The following KCNH7 variants were observed in gnomAD, a reference collection of about 807,000 sequenced individuals.
KCNH7 encodes potassium voltage-gated channel subfamily H member 7.
In KCNH7, 49 loss-of-function variants were observed where a neutral mutation model predicts 120.8. The observed-to-expected ratio is 0.41, with a 90% CI of 0.32 to 0.51. The LOEUF is 0.51. Among genes scored for constraint, KCNH7 ranks in the 20% least tolerant of loss-of-function variants. The pLI is 0.38. For missense variants in KCNH7, 1,097 were observed against 1,446.6 expected (o/e 0.76, Z 3.92); for synonymous variants, 547 against 516.1 (o/e 1.06, Z -0.81).
intron 9 of KCNH7, among the ~76,000 whole-genome samples, chr2:162,418,333 T>C (rs1320269354): frequency 6.6e-6 from 1 of 152,114 alleles, no homozygotes; most frequent in Non-Finnish European, 1.5e-5. Context: ...AATTTTATTA[T>C]AGCTGTATGA....
chr2:162,711,021 A>C (rs906959705), intron 2 of KCNH7, among the ~76,000 whole-genome samples: 1 of 152,188 alleles, frequency 6.6e-6, no homozygotes, highest in Non-Finnish European at 1.5e-5. Flanking sequence ...TTAACCTATA[A>C]GATGTTTAAA....
At chr2:162,575,196 C>A (rs184029348) in intron 2 of KCNH7, among the ~76,000 whole-genome samples, 1 of 152,044 alleles carries the variant, frequency 6.6e-6, no homozygotes, top group African/African-American at 2.4e-5. Flanking sequence ...GTAAAGCCTT[C>A]TATTTGGGGA....
chr2:162,379,980 G>A lies in KCNH7; in HGVS notation c.3004C>T (p.Pro1002Ser). Reference sequence around the variant, plus strand: ...GATGGACTGGAGTCTTCAGGCTGGGGATGTGCATTTTCTCGTTCCCAGCTT... The same window carrying A: ...GATGGACTGGAGTCTTCAGGCTGGGAATGTGCATTTTCTCGTTCCCAGCTT... Reference protein sequence around the residue: ...MRSWERENAHPQPEDSSPSAL... With the variant: ...MRSWERENAHSQPEDSSPSAL... The change falls in exon 14 of 16, where the codon CCC becomes TCC. Residue 1002 changes from proline to serine, a missense_variant. This residue lies in a region of KCNH7 where 406 missense variants were observed against 410.5 expected (regional missense o/e 0.99). Transcript: ENST00000332142. The A allele has an allele frequency of 6.2e-7, 1 of 1,614,058 alleles. No individual in the cohort carries two copies. The highest frequency in any genetic ancestry group is 8.5e-7 in the Non-Finnish European group (1 of 1,179,944).
At chr2:162,588,596 A>G (rs546119546) in intron 2 of KCNH7, among the ~76,000 whole-genome samples, 2 of 152,194 alleles carry the variant, frequency 1.3e-5, no homozygotes, top group South Asian at 4.1e-4. Context: ...TGTATAGTTT[A>G]AAATTTTATT....
In KCNH7 at chr2:162,378,794, G is replaced by T. The variant is rs115516654; in HGVS notation, c.3131+1059C>A. Among the ~76,000 whole-genome samples, 483 of 152,290 alleles carry T rather than the reference G, an allele frequency of 3.2e-3. 2 individuals carry two copies. Among genetic ancestry groups the T allele is most frequent in the African/African-American group, 0.011 (462 of 41,556 alleles). On this transcript the variant is annotated intron_variant, in intron 14 of 15. Transcript: ENST00000332142. ...CCTACGAAAGGCTAATGAAACACAT[G>T]GCTGTTGAGCTGGCTAGTTGGAAAG...
intron 2 of KCNH7, among the ~76,000 whole-genome samples, chr2:162,584,337 T>C (rs1047304911): frequency 3.9e-5 from 6 of 152,146 alleles, no homozygotes; most frequent in Admixed American, 3.9e-4. Flanking sequence ...AGTTTCAATA[T>C]GGTTAAATAA....
At chr2:162,626,458 C>T (rs1297994414) in intron 2 of KCNH7, among the ~76,000 whole-genome samples, 4 of 152,086 alleles carry the variant, frequency 2.6e-5, no homozygotes, top group South Asian at 2.1e-4. Context: ...AACTGGAATT[C>T]TGAAAGTCAT....
intron 2 of KCNH7, among the ~76,000 whole-genome samples, chr2:162,640,455 C>T (rs1004604414): frequency 4.6e-5 from 7 of 151,792 alleles, no homozygotes; most frequent in African/African-American, 1.7e-4. Flanking sequence ...AGAAGGATAC[C>T]TTTTTCACCA....
intron 6 of KCNH7, among the ~76,000 whole-genome samples, chr2:162,454,457 A>G (rs1379547579): frequency 6.6e-6 from 1 of 152,018 alleles, no homozygotes; most frequent in Non-Finnish European, 1.5e-5. Flanking sequence ...TCCATATGAA[A>G]TTTAAAGTAG....
Position 162,742,128 on chromosome 2 carries a change from A to C in KCNH7, c.307+94409T>G, listed in dbSNP as rs543658994. Among the ~76,000 whole-genome samples the C allele has an allele frequency of 8.5e-5, 13 of 152,294 alleles. No homozygotes were observed. In the South Asian group the frequency reaches 2.3e-3, roughly 27 times the overall value. On this transcript the variant is annotated intron_variant, in intron 2 of 15. Transcript: ENST00000332142. The stretch of plus-strand genomic sequence containing the variant: ...ACATCTCTAGATATTTGCCTTGTTG[A>C]TTCTACCAGAAACACAGTTTTAAGG...
intron 2 of KCNH7, among the ~76,000 whole-genome samples, chr2:162,605,408 A>C (rs1682710326): frequency 6.6e-6 from 1 of 152,122 alleles, no homozygotes; most frequent in African/African-American, 2.4e-5. Flanking sequence ...CTTCCTCTGT[A>C]GCTTTGACAA....
At chr2:162,515,554 G>C (rs1179970171) in intron 4 of KCNH7, among the ~76,000 whole-genome samples, 1 of 151,674 alleles carries the variant, frequency 6.6e-6, no homozygotes, top group African/African-American at 2.4e-5. Flanking sequence ...GGCAATTTCT[G>C]AAAAGTCAGT....
At chr2:162,408,052 T>A (rs1375230356) in intron 9 of KCNH7, among the ~76,000 whole-genome samples, 1 of 152,024 alleles carries the variant, frequency 6.6e-6, no homozygotes, top group African/African-American at 2.4e-5. Context: ...GCAGAGACAA[T>A]GCATTAGGAA....
chr2:162,557,097 T>C (rs1403220713), intron 2 of KCNH7, among the ~76,000 whole-genome samples: 1 of 152,214 alleles, frequency 6.6e-6, no homozygotes, highest in Non-Finnish European at 1.5e-5. Context: ...TGGTTCCAGC[T>C]TAGATTCCTC....
chr2:162,430,824 T>C (rs1558941040), intron 8 of KCNH7, among the ~76,000 whole-genome samples: 1 of 151,830 alleles, frequency 6.6e-6, no homozygotes, highest in Non-Finnish European at 1.5e-5. Context: ...ATGGAATACA[T>C]TTGCCTTTAT....
chr2:162,779,628 C>A (rs191041168), intron 2 of KCNH7, among the ~76,000 whole-genome samples: 1 of 152,236 alleles, frequency 6.6e-6, no homozygotes, highest in East Asian at 1.9e-4. Context: ...CACTTCTTTC[C>A]ACTTTTTAAT....
intron 8 of KCNH7, among the ~76,000 whole-genome samples, chr2:162,426,416 T>A (rs1687866728): frequency 6.6e-6 from 1 of 152,104 alleles, no homozygotes; most frequent in Non-Finnish European, 1.5e-5. Flanking sequence ...CTGGCAAAAA[T>A]ATCAATCAAA....
chr2:162,807,256 C>CAAAAAAAAAAAAAAAAAA (rs745345993), intron 2 of KCNH7, among the ~76,000 whole-genome samples: 3 of 15,628 alleles, frequency 1.9e-4, no homozygotes, highest in African/African-American at 2.8e-4. Context: ...ACTAAAAATA[C>CAAAAAAAAAAAAAAAAAA]AAAAAAAAAA....
chr2:162,375,854 C>G (rs1261206774), intron 14 of KCNH7, among the ~76,000 whole-genome samples: 1 of 147,996 alleles, frequency 6.8e-6, no homozygotes, highest in African/African-American at 2.5e-5. Flanking sequence ...TGCACCACTG[C>G]ACTCCAGCCT....
Sources: allele counts gnomAD v4.1 joint callset (sites outside exome capture counted in the v4.1 genomes callset), GRCh38; gene constraint gnomAD v4.1.1; regional missense constraint gnomAD v4.1.1; transcripts MANE v1.5; gene names NCBI Gene and HGNC (gene_info 2026-07-23, HGNC 2026-07-21).